MMP9: variants seen among roughly 807,000 people sequenced by gnomAD.
MMP9 encodes the protein matrix metallopeptidase 9.
Under a neutral mutation model 76.4 loss-of-function variants are expected in MMP9, and 73 were observed. The ratio of observed to expected loss-of-function variants is 0.96; its 90% CI spans 0.79 to 1.16. The LOEUF (loss-of-function observed/expected upper bound fraction) is 1.16. Among genes scored for constraint, MMP9 ranks in the 50% most tolerant of loss-of-function variants. MMP9 has a pLI of 0.00. For missense variants in MMP9, 943 were observed against 973.0 expected (o/e 0.97, Z 0.41); for synonymous variants, 412 against 408.4 (o/e 1.01, Z -0.11).
In MMP9 at chr20:46,013,379, C is replaced by T; in HGVS notation, c.1455C>T (p.Pro485=). ...CCTCAGAGCGCCCCACAGCTGGCCC[C>T]ACAGGTCCCCCCTCAGCTGGCCCCA... The part of the protein sequence containing the change: ...VHPSERPTAG[P]TGPPSAGPTG... Residue 485 remains proline, a synonymous_variant, in exon 9 of 13, where the codon CCC becomes CCT. Transcript: ENST00000372330. This position sits in a 1 kb window ranked among gnomAD's most constrained non-coding sequence, Gnocchi z 4.5. 6.2e-7 allele frequency: 1 copy of T among 1,612,342 alleles called. No homozygotes were observed. Among genetic ancestry groups the T allele is most frequent in the Non-Finnish European group, 8.5e-7 (1 of 1,178,750 alleles).
chr20:46,012,056 G>T, intron 6 of MMP9, 81 bp from the exon 7 acceptor site: 1 of 1,563,816 alleles, frequency 6.4e-7, no homozygotes. Flanking sequence ...CACCAAGATT[G>T]TTTAGCTCCC....
At chr20:46,012,393 C>T (rs748638733) in intron 7 of MMP9, 34 bp from the exon 8 acceptor site, 1 of 1,613,706 alleles carries the variant, frequency 6.2e-7, no homozygotes, top group Non-Finnish European at 8.5e-7. Flanking sequence ...GGGCTCGGCC[C>T]GGCGCTCACG....
chr20:46,014,025 G>A (rs2084302764), intron 10 of MMP9, 99 bp from the exon 11 acceptor site: 1 of 1,508,352 alleles, frequency 6.6e-7, no homozygotes, highest in Non-Finnish European at 8.9e-7. Context: ...CTGCGGGCAC[G>A]CGGGCTAGGA....
Position 46,016,447 on chromosome 20 carries a change from C to A in MMP9, c.*79C>A. ...GGGGAAGGAGCCAGTTTGCCGGATA[C>A]AAACTGGTATTCTGTTCTGGAGGAA... On this transcript the variant is annotated 3_prime_UTR_variant, in exon 13 of 13. Transcript: ENST00000372330. The A allele has an allele frequency of 1.8e-6, 2 of 1,133,978 alleles. No individual in the cohort carries two copies. Among genetic ancestry groups the A allele is most frequent in the Non-Finnish European group, 2.7e-6 (2 of 743,154 alleles). 70.2% of individuals were successfully genotyped at this position (1,133,978 alleles called of 1,614,324 possible).
intron 1 of MMP9, among the ~76,000 whole-genome samples, chr20:46,009,378 G>T (rs1255700086): frequency 6.6e-6 from 1 of 152,118 alleles, no homozygotes; most frequent in African/African-American, 2.4e-5. Flanking sequence ...CAGCTGTGGG[G>T]TAGAAATGGG....
At position 46,013,585 on chromosome 20, in the gene MMP9, G is replaced by T; in HGVS notation, c.1610+51G>T. On this transcript the variant is annotated intron_variant, in intron 9 of 12. Coordinates refer to ENST00000372330, the MANE Select transcript of MMP9 (RefSeq NM_004994.3). The surrounding 1 kb of genome is among the most constrained non-coding windows in gnomAD (Gnocchi z 4.5). Reference sequence around the variant, plus strand: ...CGGGAGGGGGCTTTGCGGAGGGGCTGCCCGTCCCTTCCCGCCCACTGGCCC... The same window carrying T: ...CGGGAGGGGGCTTTGCGGAGGGGCTTCCCGTCCCTTCCCGCCCACTGGCCC... The T allele has an allele frequency of 6.2e-7, 1 of 1,611,356 alleles. No individual in the cohort carries two copies. Among genetic ancestry groups the T allele is most frequent in the South Asian group, 1.1e-5 (1 of 90,858 alleles).
chr20:46,010,830 C>T, intron 3 of MMP9, 92 bp from the exon 4 acceptor site: 1 of 1,607,406 alleles, frequency 6.2e-7, no homozygotes, highest in South Asian at 1.1e-5. Context: ...GGGATTTCAG[C>T]CCGCACTTAT....
chr20:46,011,107 C>T, intron 4 of MMP9, 36 bp from the exon 5 acceptor site: 1 of 1,613,984 alleles, frequency 6.2e-7, no homozygotes, highest in Non-Finnish European at 8.5e-7. Flanking sequence ...CACTCATCAC[C>T]CGCCGCCCTA....
In MMP9 at chr20:46,014,460, T is replaced by G; in HGVS notation, c.1991T>G (p.Val664Gly). ...GGGGTGCCTTTGGACACGCACGACG[T>G]CTTCCAGTACCGAGGTGAGGGCTGA... ...FPGVPLDTHD[V>G]FQYREKAYFC... is the part of the protein sequence containing the mutation. The change falls in exon 12 of 13, where the codon GTC becomes GGC. Residue 664 changes from valine to glycine, a missense_variant. By Grantham distance (109) the Val-to-Gly change is moderately radical. Transcript: ENST00000372330. 6.4e-7 allele frequency: 1 copy of G among 1,550,446 alleles called. No individual in the cohort carries two copies. The highest frequency in any genetic ancestry group is 8.7e-7 in the Non-Finnish European group (1 of 1,146,968).
intron 6 of MMP9, 81 bp downstream of exon 6, chr20:46,011,828 C>T: frequency 6.7e-7 from 1 of 1,499,406 alleles, no homozygotes; most frequent in Non-Finnish European, 9.0e-7. Flanking sequence ...TCCCTCCCAT[C>T]AGTTTGTCTT....
At chr20:46,014,754 A>C in intron 12 of MMP9, 1 of 518,758 alleles carries the variant, frequency 1.9e-6, no homozygotes, top group Non-Finnish European at 3.5e-6. Flanking sequence ...ATTAGACAAC[A>C]GTCATCAAGT....
intron 3 of MMP9, 104 bp downstream of exon 3, chr20:46,010,735 GC>G: frequency 1.3e-6 from 2 of 1,540,740 alleles, no homozygotes; most frequent in East Asian, 4.9e-5. Context: ...CCTCTTGCCT[GC>G]CCGCGCTGCC....
In MMP9 at chr20:46,013,783, TTTC is replaced by T; in HGVS notation, c.1745_1747del (p.Phe582del). On this transcript the variant is annotated inframe_deletion, in exon 10 of 13. Coordinates refer to ENST00000372330, the MANE Select transcript of MMP9 (RefSeq NM_004994.3). The surrounding 1 kb of genome is among the most constrained non-coding windows in gnomAD (Gnocchi z 4.5). ...TTGAGGAGCGGCTCTCCAAGAAGCT[TTTC>T]TTCTTCTCTGGTTAGTTACCTACTT... 2 of 1,612,924 alleles carry T rather than the reference TTTC, an allele frequency of 1.2e-6. No individual in the cohort carries two copies. The highest frequency in any genetic ancestry group is 1.7e-6 in the Non-Finnish European group (2 of 1,179,966).
intron 2 of MMP9, 96 bp from the exon 3 acceptor site, chr20:46,010,387 A>G: frequency 8.0e-7 from 1 of 1,257,792 alleles, no homozygotes; most frequent in South Asian, 1.2e-5. Flanking sequence ...GGCAGAGAGC[A>G]TTGTGTATGT....
In MMP9 at chr20:46,011,611, C is replaced by T. The variant is rs1178955723; in HGVS notation, c.861C>T (p.Pro287=). ...AGGACGGCAATGCTGATGGGAAACC[C>T]TGCCAGTTTCCATTCATCTTCCAAG... The part of the protein sequence containing the change: ...YTQDGNADGK[P]CQFPFIFQGQ... The change falls in exon 6 of 13, where the codon CCC becomes CCT. Residue 287 remains proline, a synonymous_variant. Transcript: ENST00000372330. The T allele has an allele frequency of 6.2e-7, 1 of 1,613,892 alleles. No individual in the cohort carries two copies.
In MMP9 at chr20:46,013,670, TTC is replaced by T. The variant is rs752994774; in HGVS notation, c.1628_1629del (p.Ser543Ter). The T allele has an allele frequency of 6.2e-7, 1 of 1,613,926 alleles. No homozygotes were observed. The highest frequency in any genetic ancestry group is 1.3e-5 in the African/African-American group (1 of 74,896). ...YLFKDGKYWR[F>X]SEGRGSRPQG... ...TCGCTTTCTCAGGAAGTACTGGCGA[TTC>T]TCTGAGGGCAGGGGGAGCCGGCCGC... On this transcript the variant is annotated frameshift_variant, in exon 10 of 13. Transcript: ENST00000372330. LOFTEE classifies it high-confidence loss of function. This position sits in a 1 kb window ranked among gnomAD's most constrained non-coding sequence, Gnocchi z 4.5.
chr20:46,014,222 C>T lies in MMP9; in HGVS notation c.1849C>T (p.Leu617Phe). 1 of 1,536,828 alleles carries T rather than the reference C, an allele frequency of 6.5e-7. No homozygotes were observed. Among genetic ancestry groups the T allele is most frequent in the African/African-American group, 1.4e-5 (1 of 72,898 alleles). ...GADVAQVTGA[L>F]RSGRGKMLLF... is the part of the protein sequence containing the mutation. The stretch of plus-strand genomic sequence containing the variant: ...CGACGTGGCCCAGGTGACCGGGGCC[C>T]TCCGGAGTGGCAGGGGGAAGATGCT... Residue 617 changes from leucine (L) to phenylalanine (F), a missense_variant, in exon 11 of 13, where the codon CTC (leucine) becomes TTC (phenylalanine). Physicochemically the swap from Leu to Phe is conservative, Grantham distance 22. Coordinates refer to ENST00000372330, the MANE Select transcript of MMP9 (RefSeq NM_004994.3).
Position 46,014,136 on chromosome 20 carries a change from G to A in MMP9, c.1763G>A (p.Trp588Ter). The A allele has an allele frequency of 1.3e-6, 2 of 1,535,894 alleles. No homozygotes were observed. The highest frequency in any genetic ancestry group is 1.7e-6 in the Non-Finnish European group (2 of 1,146,612). ...TCCTCCCCTGCAGGGCGCCAGGTGT[G>A]GGTGTACACAGGCGCGTCGGTGCTG... Reference protein sequence around the residue: ...KLFFFSGRQVWVYTGASVLGP... With the variant: ...KLFFFSGRQV Residue 588 changes from tryptophan (W) to a stop codon, truncating the protein, a stop_gained, in exon 11 of 13, where the codon TGG becomes TAG. Transcript: ENST00000372330. LOFTEE classifies it high-confidence loss of function.
rs1327610599 is a variant in MMP9, at chr20:46,011,207, C to A, written c.714C>A (p.Gly238=). 4 of 1,614,048 alleles carry A rather than the reference C, an allele frequency of 2.5e-6. No individual in the cohort carries two copies. In the Admixed American group the frequency reaches 6.7e-5, roughly 27 times the overall value. Residue 238 remains glycine (G), a synonymous_variant, in exon 5 of 13, where the codon GGC becomes GGA. Coordinates refer to ENST00000372330, the MANE Select transcript of MMP9 (RefSeq NM_004994.3). ...GCCACTTCCCCTTCATCTTCGAGGG[C>A]CGCTCCTACTCTGCCTGCACCACCG... ...AACHFPFIFE[G]RSYSACTTDG...
Sources: gnomAD v4.1 joint callset for allele counts (sites outside exome capture counted in the v4.1 genomes callset) on GRCh38, gnomAD v4.1.1 for gene constraint, Gnocchi (gnomAD v3.1) non-coding constraint, MANE v1.5 for transcripts, NCBI Gene and HGNC (gene_info 2026-07-23, HGNC 2026-07-21) for gene names.